PARP10: variants seen among roughly 807,000 people sequenced by gnomAD.
The protein encoded by PARP10 is protein mono-ADP-ribosyltransferase PARP10.
A neutral mutation model predicts 82.4 loss-of-function variants in PARP10; 56 were observed. The observed-to-expected ratio is 0.68, with a 90% CI of 0.55 to 0.85. The LOEUF is 0.85. PARP10 is among the 40% of genes least tolerant of loss of function. The probability of loss-of-function intolerance (pLI) is 0.00; values close to 1 mark genes in which losing one functional copy is unlikely to be tolerated. For missense variants in PARP10, 1,227 were observed against 1,379.4 expected, an observed-to-expected ratio of 0.89 and a Z score of 1.75; for synonymous variants, 576 against 601.1, an observed-to-expected ratio of 0.96 and a Z score of 0.61.
rs1308600235 is a variant in PARP10 at position 144,011,853 on chromosome 8, T to A, written c.-80+677A>T. On this transcript the variant is annotated intron_variant, in intron 1 of 3. Coordinates refer to the PARP10 transcript ENST00000530478. This position sits in a 1 kb window ranked among gnomAD's most constrained non-coding sequence, Gnocchi z 4.5. ...CCTGGACCAGCAGTAAGATAGAGAC[T>A]CTGAGCACCTGGGTCAGAAGAAATC... 1.3e-5 allele frequency among the ~76,000 whole-genome samples: 2 copies of A among 152,016 alleles called. No homozygotes were observed. Among genetic ancestry groups the A allele is most frequent in the South Asian group, 4.1e-4 (2 of 4,822 alleles).
At chr8:143,997,050 TC>T (rs1834169557) in intron 1 of PARP10, among the ~76,000 whole-genome samples, 1 of 152,080 alleles carries the variant, frequency 6.6e-6, no homozygotes, top group South Asian at 2.1e-4. Flanking sequence ...AGGTGGCCCC[TC>T]CTCCGCCAGG....
At chr8:143,993,037 C>A (rs1363109634), upstream of PARP10, 1 of 584,298 alleles carries the variant, frequency 1.7e-6, no homozygotes, top group Non-Finnish European at 3.0e-6. Context: ...CAGCATGGCC[C>A]CTTTAGTCCT....
intron 1 of PARP10, among the ~76,000 whole-genome samples, chr8:144,003,936 G>A (rs1462698968): frequency 2.6e-5 from 4 of 152,106 alleles, no homozygotes; most frequent in African/African-American, 9.7e-5. Context: ...TCAGGAGGCT[G>A]AGGCAGGAAG....
upstream of PARP10, chr8:143,993,192 G>A: frequency 3.4e-6 from 1 of 298,066 alleles, no homozygotes; most frequent in Non-Finnish European, 6.5e-6. Flanking sequence ...AAGAGGTGAG[G>A]GTGCACGTCT....
At chr8:143,990,408 G>T (rs1834071240), upstream of PARP10, 1 of 151,706 alleles carries the variant, frequency 6.6e-6, no homozygotes, top group South Asian at 2.0e-4. This position sits in a 1 kb window ranked among gnomAD's most constrained non-coding sequence, Gnocchi z 5.6. Flanking sequence ...GAGCCGGAGG[G>T]AGGGGGCGGC....
At chr8:143,996,165 G>C (rs1209390207) in intron 1 of PARP10, among the ~76,000 whole-genome samples, 1 of 152,220 alleles carries the variant, frequency 6.6e-6, no homozygotes, top group Non-Finnish European at 1.5e-5. Flanking sequence ...GTTCAAGCAT[G>C]GGCGTGTCCC....
In PARP10 at chr8:143,977,998, C is replaced by G; in HGVS notation, c.2640G>C (p.Pro880=). 1 of 1,591,720 alleles carries G rather than the reference C, an allele frequency of 6.3e-7. No homozygotes were observed. Among genetic ancestry groups the G allele is most frequent in the Non-Finnish European group, 8.5e-7 (1 of 1,175,270 alleles). ...TGCCGTGGTACAGCACCTGCTCCACCGGGCGCCGCTCGCATCGCTGCAGCA... is the reference window on the plus strand; with the variant it reads ...TGCCGTGGTACAGCACCTGCTCCACGGGGCGCCGCTCGCATCGCTGCAGCA... The part of the protein sequence containing the change: ...ERLLQRCERR[P]VEQVLYHGTT... Residue 880 remains proline, a synonymous_variant, in exon 10 of 11, where the codon CCG becomes CCC. Transcript: ENST00000313028.
intron 9 of PARP10, 133 bp from the exon 10 acceptor site, chr8:143,978,214 C>T: frequency 9.7e-7 from 1 of 1,029,998 alleles, no homozygotes; most frequent in Non-Finnish European, 1.4e-6. Flanking sequence ...TTGCAGCCCC[C>T]ATCATGCTCT....
chr8:143,984,238 G>T lies in PARP10; in HGVS notation c.1652C>A (p.Thr551Lys). Residue 551 changes from threonine to lysine, a missense_variant, in exon 6 of 11, where the codon ACA (threonine) becomes AAA (lysine). By Grantham distance (78) the Thr-to-Lys change is moderately conservative. Transcript: ENST00000313028. ...QCVFGTERLA[T>K]ATLDTGLEEV... is the part of the protein sequence containing the mutation. ...TTCAAGGCCTGTGTCCAACGTGGCTGTGGCCAGGCGCTCTGTCCCAAAGAC... is the reference window on the plus strand; with the variant it reads ...TTCAAGGCCTGTGTCCAACGTGGCTTTGGCCAGGCGCTCTGTCCCAAAGAC... 1.9e-6 allele frequency: 3 copies of T among 1,613,926 alleles called. No individual in the cohort carries two copies. Among genetic ancestry groups the T allele is most frequent in the Non-Finnish European group, 2.5e-6 (3 of 1,179,868 alleles).
intron 1 of PARP10, 58 bp downstream of exon 1, chr8:143,986,300 C>T (rs1262405863): frequency 1.9e-6 from 3 of 1,613,936 alleles, no homozygotes; most frequent in Non-Finnish European, 2.5e-6. Context: ...CCCCAGGCCC[C>T]TCCAAGGTGT....
At chr8:143,979,305 G>A (rs903825262) in intron 9 of PARP10, among the ~76,000 whole-genome samples, 3 of 152,110 alleles carry the variant, frequency 2.0e-5, no homozygotes, top group Non-Finnish European at 4.4e-5. Context: ...ACACAACAAG[G>A]TCAATATGCA....
At chr8:143,992,530 C>T (rs575948047), upstream of PARP10, 124 of 1,614,152 alleles carry the variant, frequency 7.7e-5, no homozygotes, top group Middle Eastern at 1.6e-4. Flanking sequence ...TCTTCATCTT[C>T]GCCATTCTCT....
chr8:143,987,388 A>C (rs1834008897), upstream of PARP10, among the ~76,000 whole-genome samples: 1 of 152,124 alleles, frequency 6.6e-6, no homozygotes, highest in African/African-American at 2.4e-5. Context: ...GACCCTGGCC[A>C]GCCTGCACTC....
upstream of PARP10, among the ~76,000 whole-genome samples, chr8:143,994,252 G>C (rs782700258): frequency 6.6e-6 from 1 of 152,190 alleles, no homozygotes; most frequent in Non-Finnish European, 1.5e-5. Context: ...GGGCACCGCA[G>C]TTGTGGGGTG....
rs147942845 is a variant in PARP10 at position 143,983,251 on chromosome 8, G to A, written c.2338C>T (p.Arg780Cys). The change falls in exon 8 of 11, where the codon CGT becomes TGT. Residue 780 changes from arginine (R) to cysteine (C), a missense_variant. Transcript: ENST00000313028. ...AGTGCCACCAAGTGGCGGGCAGCAC[G>A]GGCAGGGTGGGCCCCGAAGCCACGG... is the stretch of plus-strand genomic sequence containing the variant. ...ILRGFGAHPA[R>C]AARHLVALLA... 40 of 1,612,990 alleles carry A rather than the reference G, an allele frequency of 2.5e-5. No individual in the cohort carries two copies. In the East Asian group the frequency reaches 2.9e-4, roughly 12 times the overall value.
At position 143,985,606 on chromosome 8, in the gene PARP10, T is replaced by A; in HGVS notation, c.479A>T (p.Glu160Val). ...CCGGGCCAGGGACACCAAGGTCCCC[T>A]CCAGGCCCAGATTCTGGGCCTGCTC... is the stretch of plus-strand genomic sequence containing the variant. ...LEEQAQNLGLEGTLVSLARVP... is the reference protein window; with the variant it reads ...LEEQAQNLGLVGTLVSLARVP... The change falls in exon 4 of 11, where the codon GAG becomes GTG. Residue 160 changes from glutamate to valine, a missense_variant. Glu to Val is a moderately radical substitution (Grantham distance 121, BLOSUM62 -2). Transcript: ENST00000313028. 1 of 1,613,866 alleles carries A rather than the reference T, an allele frequency of 6.2e-7. No individual in the cohort carries two copies. The highest frequency in any genetic ancestry group is 2.2e-5 in the East Asian group (1 of 44,862).
intron 1 of PARP10, among the ~76,000 whole-genome samples, chr8:144,001,430 G>T (rs1237779573): frequency 6.6e-6 from 1 of 152,154 alleles, no homozygotes; most frequent in African/African-American, 2.4e-5. Flanking sequence ...ATACAGGCTG[G>T]GCGTGGTGGC....
rs1833895014 is a variant in PARP10, at chr8:143,982,905, G to A, written c.2556+27C>T. On this transcript the variant is annotated intron_variant, in intron 9 of 10. Coordinates refer to ENST00000313028, the MANE Select transcript of PARP10 (RefSeq NM_032789.5). Reference sequence around the variant, plus strand: ...GGTGCAAGAGCCCAGGACGCCATGAGGCCAGAGAGACAGGGCATGGACTCA... The same window carrying A: ...GGTGCAAGAGCCCAGGACGCCATGAAGCCAGAGAGACAGGGCATGGACTCA... The A allele has an allele frequency of 4.3e-6, 7 of 1,610,902 alleles. No homozygotes were observed. In the African/African-American group the frequency reaches 8.0e-5, roughly 18 times the overall value.
chr8:143,983,982 T>C, intron 7 of PARP10, 26 bp downstream of exon 7: 1 of 1,498,544 alleles, frequency 6.7e-7, no homozygotes, highest in East Asian at 2.3e-5. Flanking sequence ...CCACAGGATG[T>C]GCTGAGGGCT....
Sources: allele counts gnomAD v4.1 joint callset (sites outside exome capture counted in the v4.1 genomes callset), GRCh38; gene constraint gnomAD v4.1.1; non-coding constraint Gnocchi (gnomAD v3.1); transcripts MANE v1.5; gene names NCBI Gene and HGNC (gene_info 2026-07-23, HGNC 2026-07-21).